SEPHS1: variants seen among roughly 807,000 people sequenced by gnomAD.
SEPHS1 encodes selenophosphate synthetase 1.
SEPHS1 carries 7 observed loss-of-function variants against 39.2 expected under a neutral mutation model. That is an observed-to-expected ratio of 0.18 (90% CI 0.10 to 0.34). The LOEUF is 0.34. SEPHS1 is among the 10% of genes least tolerant of loss of function. The pLI is 1.00. For missense variants in SEPHS1, 253 were observed against 514.5 expected, an observed-to-expected ratio of 0.49 and a Z score of 4.92; for synonymous variants, 190 against 195.5, an observed-to-expected ratio of 0.97 and a Z score of 0.23.
At chr10:13,323,803 A>G (rs990922454) in intron 7 of SEPHS1, among the ~76,000 whole-genome samples, 1 of 149,622 alleles carries the variant, frequency 6.7e-6, no homozygotes, top group African/African-American at 2.5e-5. Flanking sequence ...GTGCAGTGGC[A>G]TGATCATAAC....
intron 2 of SEPHS1, among the ~76,000 whole-genome samples, chr10:13,344,143 G>C (rs909640356): frequency 2.0e-5 from 3 of 152,028 alleles, no homozygotes; most frequent in Non-Finnish European, 4.4e-5. Flanking sequence ...CACGCTTTTC[G>C]CCCGATGCAC....
Position 13,328,455 on chromosome 10 carries a change from T to G in SEPHS1, c.652-5A>C, listed in dbSNP as rs1259408245. On this transcript the variant is annotated splice_region_variant and splice_polypyrimidine_tract_variant and intron_variant, in intron 6 of 8. Coordinates refer to ENST00000327347, the MANE Select transcript of SEPHS1 (RefSeq NM_012247.5). The stretch of plus-strand genomic sequence containing the variant: ...AATCTTATTCCATTTCTCAGGCTGA[T>G]AATAGAAATGTAGGTGAGGGAGAGA... 2.5e-6 allele frequency: 4 copies of G among 1,584,324 alleles called. No individual in the cohort carries two copies. The highest frequency in any genetic ancestry group is 1.1e-5 in the South Asian group (1 of 89,966).
chr10:13,325,956 A>T (rs556439099), intron 7 of SEPHS1, among the ~76,000 whole-genome samples: 3,244 of 113,916 alleles, frequency 0.028, 155 homozygotes, highest in Middle Eastern at 0.049. Flanking sequence ...CAAAAAAAAA[A>T]AAAAAAAATA....
At chr10:13,346,540 C>A (rs1833927655) in intron 1 of SEPHS1, among the ~76,000 whole-genome samples, 1 of 152,164 alleles carries the variant, frequency 6.6e-6, no homozygotes, top group African/African-American at 2.4e-5. Context: ...CAAGAAGTCT[C>A]CCTGCCCAAA....
At chr10:13,323,297 G>C (rs890224869) in intron 7 of SEPHS1, among the ~76,000 whole-genome samples, 2 of 152,122 alleles carry the variant, frequency 1.3e-5, no homozygotes, top group African/African-American at 4.8e-5. Flanking sequence ...ACTATGCAGA[G>C]GGATTATGAT....
intron 2 of SEPHS1, 196 bp from the exon 3 acceptor site, chr10:13,339,004 C>T: frequency 1.7e-6 from 1 of 593,426 alleles, no homozygotes; most frequent in Non-Finnish European, 3.0e-6. Flanking sequence ...TGGAAAATAC[C>T]AATGAAAATG....
At chr10:13,334,586 T>C (rs1191291738) in intron 4 of SEPHS1, among the ~76,000 whole-genome samples, 2 of 151,636 alleles carry the variant, frequency 1.3e-5, no homozygotes, top group Non-Finnish European at 2.9e-5. Context: ...GGCATGTGCC[T>C]GTGGTCCCAG....
At chr10:13,326,606 G>A (rs1564445098) in intron 7 of SEPHS1, among the ~76,000 whole-genome samples, 1 of 151,008 alleles carries the variant, frequency 6.6e-6, no homozygotes, top group African/African-American at 2.4e-5. Flanking sequence ...GAAGCGTAGG[G>A]GTATGATCAC....
In SEPHS1 at chr10:13,336,364, G is replaced by C. The variant is rs1833634100; in HGVS notation, c.298-14C>G. On this transcript the variant is annotated splice_polypyrimidine_tract_variant and intron_variant, in intron 3 of 8. Transcript: ENST00000327347. ...CGCTATCCTGCCCTGGGAAGAGAGG[G>C]AAACATGAGAAAGGACGACCGGGGA... 2 of 1,590,222 alleles carry C rather than the reference G, an allele frequency of 1.3e-6. No individual in the cohort carries two copies. Among genetic ancestry groups the C allele is most frequent in the African/African-American group, 2.7e-5 (2 of 74,462 alleles).
chr10:13,345,316 C>A (rs1833890972), intron 1 of SEPHS1: 1 of 170,502 alleles, frequency 5.9e-6, no homozygotes, highest in Non-Finnish European at 1.2e-5. Flanking sequence ...AACAGCAAAT[C>A]CCAAAGGTTC....
intron 6 of SEPHS1, among the ~76,000 whole-genome samples, chr10:13,329,201 T>TAC (rs1200431952): frequency 6.6e-6 from 1 of 152,158 alleles, no homozygotes; most frequent in South Asian, 2.1e-4. Context: ...TCATTATAGA[T>TAC]AGATTCATTC....
chr10:13,345,703 C>G (rs1194755474), intron 1 of SEPHS1, among the ~76,000 whole-genome samples: 1 of 152,026 alleles, frequency 6.6e-6, no homozygotes, highest in Non-Finnish European at 1.5e-5. Context: ...ATGGCGAAAC[C>G]CCGTCTCTAC....
intron 7 of SEPHS1, among the ~76,000 whole-genome samples, chr10:13,323,890 CAAT>C (rs1833184733): frequency 2.0e-5 from 3 of 152,148 alleles, no homozygotes; most frequent in East Asian, 1.9e-4. Flanking sequence ...AGCCACTGCT[CAAT>C]AATATTCCAT....
At chr10:13,337,672 C>T (rs1200762910) in intron 3 of SEPHS1, among the ~76,000 whole-genome samples, 2 of 152,118 alleles carry the variant, frequency 1.3e-5, no homozygotes, top group Non-Finnish European at 2.9e-5. Flanking sequence ...GGTGATTTAG[C>T]GCCCCTTCTG....
intron 8 of SEPHS1, among the ~76,000 whole-genome samples, chr10:13,321,819 GTACC>G (rs1235941296): frequency 6.6e-6 from 1 of 152,232 alleles, no homozygotes; most frequent in Non-Finnish European, 1.5e-5. Flanking sequence ...CCATGCTGGA[GTACC>G]TGCCATGATG....
rs762907050 is a variant in SEPHS1, at chr10:13,344,956, T to C, written c.-6A>G. The C allele has an allele frequency of 3.3e-6, 5 of 1,531,212 alleles. No homozygotes were observed. Among genetic ancestry groups the C allele is most frequent in the East Asian group, 4.9e-5 (2 of 41,200 alleles). 94.9% of individuals were successfully genotyped at this position (1,531,212 alleles called of 1,614,324 possible). On this transcript the variant is annotated 5_prime_UTR_variant, in exon 2 of 9. Transcript: ENST00000327347. ...AAGGACTCCCGCGTAGACATGGTTC[T>C]TGGGCCCCGCTCTCCTCACAGCTCA... is the stretch of plus-strand genomic sequence containing the variant.
intron 1 of SEPHS1, 21 bp downstream of exon 1, chr10:13,347,979 C>T (rs900396159): frequency 4.0e-5 from 6 of 148,810 alleles, no homozygotes; most frequent in East Asian, 2.0e-4. Flanking sequence ...GCCTCCCCCC[C>T]GCGCCGGGCC....
chr10:13,325,020 T>C (rs1199807039), intron 7 of SEPHS1, among the ~76,000 whole-genome samples: 1 of 152,182 alleles, frequency 6.6e-6, no homozygotes, highest in African/African-American at 2.4e-5. Context: ...TGTTTTTTAT[T>C]ATTGAGTTTT....
intron 2 of SEPHS1, among the ~76,000 whole-genome samples, chr10:13,340,363 G>C (rs1371991588): frequency 6.6e-6 from 1 of 152,054 alleles, no homozygotes. Flanking sequence ...TCAGGCACTG[G>C]ATCAGTTTTC....
Sources: allele counts gnomAD v4.1 joint callset (sites outside exome capture counted in the v4.1 genomes callset), GRCh38; gene constraint gnomAD v4.1.1; transcripts MANE v1.5; gene names NCBI Gene and HGNC (gene_info 2026-07-23, HGNC 2026-07-21).